The following STAU2 variants were observed in gnomAD, a reference collection of about 807,000 sequenced individuals.
The protein encoded by STAU2 is double-stranded RNA-binding protein Staufen homolog 2.
In STAU2, 20 loss-of-function variants were observed where a neutral mutation model predicts 65.9. That is an observed-to-expected ratio of 0.30 (90% confidence interval 0.21 to 0.44). The LOEUF (loss-of-function observed/expected upper bound fraction) is 0.44. Among genes scored for constraint, STAU2 ranks in the 20% least tolerant of loss-of-function variants. STAU2 has a pLI of 1.00. For missense variants in STAU2, 558 were observed against 683.9 expected (o/e 0.82, Z 2.05); for synonymous variants, 232 against 233.9 (o/e 0.99, Z 0.07).
intron 9 of STAU2, among the ~76,000 whole-genome samples, chr8:73,613,220 A>G (rs1812599128): frequency 6.6e-6 from 1 of 152,204 alleles, no homozygotes; most frequent in African/African-American, 2.4e-5. Flanking sequence ...TGCTGTAGCT[A>G]TCATTGTTAG....
chr8:73,602,864 G>C (rs1236413626), intron 10 of STAU2, among the ~76,000 whole-genome samples: 4 of 151,992 alleles, frequency 2.6e-5, no homozygotes, highest in Non-Finnish European at 4.4e-5. Flanking sequence ...AACATACACT[G>C]AATATGTAAG....
At position 73,459,599 on chromosome 8, in the gene STAU2, G is replaced by A. The variant is rs116763219; in HGVS notation, c.1531-36897C>T. ...GCCTCTCGTTAAGGTGATCCCCTCCGCGAAGACCTCAACCAGCAGCCCTAC... is the reference window on the plus strand; with the variant it reads ...GCCTCTCGTTAAGGTGATCCCCTCCACGAAGACCTCAACCAGCAGCCCTAC... On this transcript the variant is annotated intron_variant, in intron 13 of 14. Coordinates refer to ENST00000524300, the MANE Select transcript of STAU2 (RefSeq NM_001164380.2). 6.3e-3 allele frequency among the ~76,000 whole-genome samples: 956 copies of A among 152,022 alleles called. 11 individuals carry two copies. Among genetic ancestry groups the A allele is most frequent in the African/African-American group, 0.022 (929 of 41,456 alleles).
intron 4 of STAU2, among the ~76,000 whole-genome samples, chr8:73,697,850 CAGGTAGACTGCTTG>C (rs748259687): frequency 5.3e-5 from 8 of 152,150 alleles, no homozygotes; most frequent in Non-Finnish European, 1.0e-4. Flanking sequence ...GAGGCCAAGG[CAGGTAGACTGCTTG>C]AGGTCAGAAG....
Position 73,740,844 on chromosome 8 carries a change from T to C in STAU2, c.-196-976A>G, listed in dbSNP as rs1231425501. On this transcript the variant is annotated intron_variant, in intron 1 of 14. Transcript: ENST00000524300. ...GGTGAAACCCTGTCTCTACTAAAAA[T>C]ACAAAAATTAGCTGGGCATAGTAAC... is the stretch of plus-strand genomic sequence containing the variant. Among the ~76,000 whole-genome samples, 5 of 151,722 alleles carry C rather than the reference T, an allele frequency of 3.3e-5. No individual in the cohort carries two copies. In the East Asian group the frequency reaches 7.8e-4, roughly 24 times the overall value.
intron 12 of STAU2, among the ~76,000 whole-genome samples, chr8:73,580,586 A>C (rs1346669868): frequency 6.6e-6 from 1 of 152,226 alleles, no homozygotes; most frequent in Non-Finnish European, 1.5e-5. Context: ...AGTTAACCTA[A>C]ATATTACCAT....
intron 6 of STAU2, among the ~76,000 whole-genome samples, chr8:73,627,561 C>G (rs1433626165): frequency 1.3e-5 from 2 of 152,030 alleles, no homozygotes; most frequent in African/African-American, 4.8e-5. Flanking sequence ...ATTCTCTCAC[C>G]ATTTGTTTCA....
At chr8:73,531,475 C>T (rs1805807234) in intron 13 of STAU2, among the ~76,000 whole-genome samples, 1 of 151,914 alleles carries the variant, frequency 6.6e-6, no homozygotes, top group Admixed American at 6.6e-5. Context: ...GCTTGAGGAC[C>T]CAATTTCAAA....
chr8:73,527,924 T>G (rs1172780229), intron 13 of STAU2: 2 of 563,780 alleles, frequency 3.5e-6, no homozygotes, highest in Non-Finnish European at 6.2e-6. Flanking sequence ...AAAACCTTAT[T>G]GAACCCCTCC....
chr8:73,730,768 A>G (rs1406738773), intron 3 of STAU2, among the ~76,000 whole-genome samples: 2 of 151,344 alleles, frequency 1.3e-5, no homozygotes, highest in Admixed American at 6.6e-5. Context: ...AAAAGAATAC[A>G]TATTTTGCTG....
At chr8:73,463,550 C>G (rs1182069851) in intron 13 of STAU2, among the ~76,000 whole-genome samples, 1 of 152,214 alleles carries the variant, frequency 6.6e-6, no homozygotes, top group Non-Finnish European at 1.5e-5. Context: ...CTAAGTTTTT[C>G]TAAGTGCTCA....
At chr8:73,604,576 AT>A (rs1210175633) in intron 9 of STAU2, among the ~76,000 whole-genome samples, 4 of 152,138 alleles carry the variant, frequency 2.6e-5, no homozygotes, top group African/African-American at 7.2e-5. Context: ...TCCAAAATAT[AT>A]TTTTTAAGAC....
At chr8:73,510,298 A>AT (rs1253068606) in intron 13 of STAU2, among the ~76,000 whole-genome samples, 2 of 151,964 alleles carry the variant, frequency 1.3e-5, no homozygotes, top group African/African-American at 4.8e-5. Context: ...TCGAACTCCC[A>AT]ATCTCATGTG....
rs1300704780 is a variant in STAU2, at chr8:73,628,284, C to CACTCCCTA, written c.411-10834_411-10833insTAGGGAGT. 3.0e-3 allele frequency among the ~76,000 whole-genome samples: 459 copies of CACTCCCTA among 151,448 alleles called. 1 individual carries two copies. The highest frequency in any genetic ancestry group is 0.011 in the African/African-American group (434 of 41,226). On this transcript the variant is annotated intron_variant, in intron 6 of 14. Transcript: ENST00000524300. ...ACAGGCACTCCCTATGTTGCCTAGG[C>CACTCCCTA]TGGTCTTGAATTCCTGGGCTAAAGC...
chr8:73,715,155 T>A (rs1364087708), intron 3 of STAU2, among the ~76,000 whole-genome samples: 2 of 151,924 alleles, frequency 1.3e-5, no homozygotes, highest in African/African-American at 4.8e-5. Context: ...TCAATTTTTT[T>A]AAAGCCAATA....
At position 73,674,596 on chromosome 8, in the gene STAU2, A is replaced by G. The variant is rs1447024601; in HGVS notation, c.275-1354T>C. Among the ~76,000 whole-genome samples the G allele has an allele frequency of 2.0e-5, 3 of 151,808 alleles. No homozygotes were observed. In the East Asian group the frequency reaches 5.8e-4, roughly 29 times the overall value. ...ATATAGTCAAATAACCACATATTCTAAAGATTTTTTTAAACCCTGCAAATA... is the reference window on the plus strand; with the variant it reads ...ATATAGTCAAATAACCACATATTCTGAAGATTTTTTTAAACCCTGCAAATA... On this transcript the variant is annotated intron_variant, in intron 5 of 14. Coordinates refer to ENST00000524300, the MANE Select transcript of STAU2 (RefSeq NM_001164380.2).
At chr8:73,631,264 G>A (rs1341527940) in intron 6 of STAU2, among the ~76,000 whole-genome samples, 2 of 152,038 alleles carry the variant, frequency 1.3e-5, no homozygotes, top group Non-Finnish European at 2.9e-5. Flanking sequence ...GGAGGCAGGA[G>A]CATTGCTTGA....
intron 13 of STAU2, among the ~76,000 whole-genome samples, chr8:73,485,623 T>C (rs961846613): frequency 6.6e-6 from 1 of 151,938 alleles, no homozygotes. Flanking sequence ...GGTCCAGGCA[T>C]GTGGATTGCT....
At chr8:73,450,573 A>T (rs1399259879) in intron 13 of STAU2, among the ~76,000 whole-genome samples, 1 of 152,220 alleles carries the variant, frequency 6.6e-6, no homozygotes, top group African/African-American at 2.4e-5. Context: ...AGGGCTTCAA[A>T]ATATAATACA....
At chr8:73,493,428 A>T (rs1396917277) in intron 13 of STAU2, among the ~76,000 whole-genome samples, 1 of 151,828 alleles carries the variant, frequency 6.6e-6, no homozygotes, top group Non-Finnish European at 1.5e-5. Context: ...AAGAAATATA[A>T]CTTAATAATG....
Sources: gnomAD v4.1 joint callset for allele counts (sites outside exome capture counted in the v4.1 genomes callset) on GRCh38, gnomAD v4.1.1 for gene constraint, MANE v1.5 for transcripts, NCBI Gene and HGNC (gene_info 2026-07-23, HGNC 2026-07-21) for gene names.